Variants in FCHSD2 observed in about 807,000 individuals in gnomAD.
FCHSD2 encodes FCH and double SH3 domains 2.
A neutral mutation model predicts 108.1 loss-of-function variants in FCHSD2; 38 were observed. The observed-to-expected ratio is 0.35, with a 90% CI of 0.27 to 0.46. The LOEUF (loss-of-function observed/expected upper bound fraction) is 0.46, where lower values mean the gene tolerates loss of function less well. Among genes scored for constraint, FCHSD2 ranks in the 20% least tolerant of loss-of-function variants. The pLI is 1.00. For missense variants in FCHSD2, 751 were observed against 897.8 expected (o/e 0.84, Z 2.09); for synonymous variants, 279 against 314.7 (o/e 0.89, Z 1.20).
At chr11:73,114,839 C>T (rs112897475) in intron 2 of FCHSD2, among the ~76,000 whole-genome samples, 28 of 152,132 alleles carry the variant, frequency 1.8e-4, no homozygotes, top group African/African-American at 6.0e-4. Flanking sequence ...TCTTCTCAAG[C>T]GGAAGGAGGG....
chr11:73,062,227 A>C (rs1859184381), intron 3 of FCHSD2, among the ~76,000 whole-genome samples: 1 of 152,240 alleles, frequency 6.6e-6, no homozygotes, highest in Non-Finnish European at 1.5e-5. Flanking sequence ...GCCTGTCAGA[A>C]GGAAAACTAA....
At chr11:73,035,394 C>T (rs1191136934) in intron 3 of FCHSD2, among the ~76,000 whole-genome samples, 2 of 152,094 alleles carry the variant, frequency 1.3e-5, no homozygotes, top group African/African-American at 2.4e-5. Flanking sequence ...TCTCGAACTC[C>T]TAAGCTCAAG....
intron 5 of FCHSD2, 53 bp downstream of exon 5, chr11:73,000,937 A>G: frequency 6.8e-7 from 1 of 1,465,068 alleles, no homozygotes; most frequent in East Asian, 2.4e-5. Flanking sequence ...GCAGATTATA[A>G]ATGTAGCACT....
chr11:73,016,307 A>G (rs1425878040), intron 3 of FCHSD2, among the ~76,000 whole-genome samples: 1 of 151,946 alleles, frequency 6.6e-6, no homozygotes. Context: ...TGTCTCAAAA[A>G]AAAAAAAAAA....
chr11:73,061,639 G>A (rs762507416), intron 3 of FCHSD2, among the ~76,000 whole-genome samples: 4 of 152,158 alleles, frequency 2.6e-5, no homozygotes, highest in Admixed American at 6.5e-5. Context: ...AGAGACGTCC[G>A]CCATTGCTGA....
rs1357308161 is a variant in FCHSD2, at chr11:73,142,090, G to A, written c.-213C>T. ...GTGAGGAGACGAGGGAGGAGCACCG[G>A]GAAGGCTTGGGGCCCGGGCGGCCCG... On this transcript the variant is annotated 5_prime_UTR_variant, in exon 1 of 20. Transcript: ENST00000409418. 3.8e-5 allele frequency: 19 copies of A among 497,676 alleles called. No individual in the cohort carries two copies. Among genetic ancestry groups the A allele is most frequent in the African/African-American group, 1.0e-4 (5 of 48,696 alleles). The allele number at this position is 497,676 out of a possible 1,614,324, so 30.8% of individuals were successfully genotyped here. A position where few individuals can be genotyped will look rare whatever the true frequency, so the allele number is the denominator to read the frequency against.
intron 3 of FCHSD2, among the ~76,000 whole-genome samples, chr11:73,017,245 C>A (rs183778210): frequency 6.6e-6 from 1 of 152,168 alleles, no homozygotes; most frequent in Non-Finnish European, 1.5e-5. Context: ...TCCCAAAGTT[C>A]TGGGATTACA....
At chr11:73,089,450 T>G (rs1265619487) in intron 2 of FCHSD2, among the ~76,000 whole-genome samples, 2 of 152,156 alleles carry the variant, frequency 1.3e-5, no homozygotes, top group Non-Finnish European at 2.9e-5. Flanking sequence ...CATGAAAACT[T>G]AAAACACATG....
chr11:73,097,397 G>A (rs1314602570), intron 2 of FCHSD2, among the ~76,000 whole-genome samples: 2 of 143,324 alleles, frequency 1.4e-5, no homozygotes, highest in Non-Finnish European at 3.0e-5. Flanking sequence ...TTTTTTTTTT[G>A]CATCTCTCTT....
chr11:73,044,974 G>A (rs1858723612), intron 3 of FCHSD2, among the ~76,000 whole-genome samples: 1 of 151,786 alleles, frequency 6.6e-6, no homozygotes, highest in Non-Finnish European at 1.5e-5. Context: ...GCAGGCTGAG[G>A]CAAGAGAATC....
At chr11:72,975,913 T>C (rs1316861103) in intron 8 of FCHSD2, among the ~76,000 whole-genome samples, 2 of 152,210 alleles carry the variant, frequency 1.3e-5, no homozygotes, top group Non-Finnish European at 2.9e-5. Context: ...TTTTCTACTA[T>C]GACACACTGT....
intron 2 of FCHSD2, among the ~76,000 whole-genome samples, chr11:73,109,971 T>C (rs879185900): frequency 1.3e-5 from 2 of 152,208 alleles, no homozygotes; most frequent in African/African-American, 2.4e-5. Flanking sequence ...TTTTCATTCT[T>C]GATACGATGT....
chr11:73,025,095 C>T (rs1858196132), intron 3 of FCHSD2, among the ~76,000 whole-genome samples: 2 of 152,146 alleles, frequency 1.3e-5, no homozygotes, highest in African/African-American at 4.8e-5. Context: ...CCTCAAAGAA[C>T]TAAAGACAGA....
intron 5 of FCHSD2, among the ~76,000 whole-genome samples, chr11:72,999,908 T>A (rs915097047): frequency 4.6e-5 from 7 of 151,890 alleles, no homozygotes; most frequent in African/African-American, 1.7e-4. Context: ...CACACACACT[T>A]TCTTCCAACT....
At chr11:72,935,926 G>A (rs1856290997) in intron 8 of FCHSD2, among the ~76,000 whole-genome samples, 1 of 152,244 alleles carries the variant, frequency 6.6e-6, no homozygotes, top group Non-Finnish European at 1.5e-5. Flanking sequence ...TGCAAGATAA[G>A]TCAGATGTCT....
At chr11:72,850,781 G>A (rs948089833) in intron 13 of FCHSD2, among the ~76,000 whole-genome samples, 1 of 151,700 alleles carries the variant, frequency 6.6e-6, no homozygotes, top group Non-Finnish European at 1.5e-5. Flanking sequence ...AACTGATCCT[G>A]TTAGTGAACA....
chr11:72,906,285 T>C (rs1311257012), intron 9 of FCHSD2, among the ~76,000 whole-genome samples: 1 of 152,246 alleles, frequency 6.6e-6, no homozygotes, highest in African/African-American at 2.4e-5. Flanking sequence ...TGTTTTTTTC[T>C]TGTAAATTTG....
chr11:72,887,457 G>A lies in FCHSD2; in HGVS notation c.1146+13C>T, dbSNP rs993941263. On this transcript the variant is annotated intron_variant, in intron 12 of 19. Coordinates refer to ENST00000409418, the MANE Select transcript of FCHSD2 (RefSeq NM_014824.3). ...AGACCTGGGCAAAATGCCACAATTA[G>A]CTGCCACCTTACCTCTGCTTTACGA... 6.4e-7 allele frequency: 1 copy of A among 1,567,208 alleles called. No individual in the cohort carries two copies. Among genetic ancestry groups the A allele is most frequent in the African/African-American group, 1.4e-5 (1 of 73,572 alleles).
intron 14 of FCHSD2, among the ~76,000 whole-genome samples, chr11:72,845,779 A>G (rs1287517347): frequency 6.6e-6 from 1 of 152,210 alleles, no homozygotes; most frequent in Non-Finnish European, 1.5e-5. Context: ...TCTGATGAGC[A>G]GACTTAGATT....
Sources: allele counts gnomAD v4.1 joint callset (sites outside exome capture counted in the v4.1 genomes callset), GRCh38; gene constraint gnomAD v4.1.1; transcripts MANE v1.5; gene names NCBI Gene and HGNC (gene_info 2026-07-23, HGNC 2026-07-21).